Variants in SLC35F4 observed in about 807,000 individuals in gnomAD.
The protein encoded by SLC35F4 is chromosome 14 open reading frame 36.
SLC35F4 carries 24 observed loss-of-function variants against 44.2 expected under a neutral mutation model. That is an observed-to-expected ratio of 0.54 (90% CI 0.39 to 0.76). The LOEUF is 0.76. Ranked by LOEUF, SLC35F4 falls within the 30% of genes least tolerant of loss-of-function variation. The probability of loss-of-function intolerance (pLI) is 0.00; values close to 1 mark genes in which losing one functional copy is unlikely to be tolerated. For synonymous variants in SLC35F4, 238 were observed against 223.6 expected, an observed-to-expected ratio of 1.06 and a Z score of -0.57; for missense variants, 562 against 586.1, an observed-to-expected ratio of 0.96 and a Z score of 0.42.
chr14:57,925,191 C>CA (rs1485405615), intron 1 of SLC35F4, among the ~76,000 whole-genome samples: 3 of 152,128 alleles, frequency 2.0e-5, no homozygotes, highest in South Asian at 4.1e-4. Context: ...CATTAGGCCC[C>CA]ACCTCCTACA....
In SLC35F4 at chr14:57,937,655, A is replaced by G. The variant is rs192857406; in HGVS notation, n.282+44258T>C. ...GAAAAGAAAAGAAAAGAAAAGAAAA[A>G]AGAAAAGAAAAAGATATCACAAAGG... On this transcript the variant is annotated intron_variant and non_coding_transcript_variant, in intron 1 of 1. Transcript: ENST00000556568. Among the ~76,000 whole-genome samples, 238 of 135,978 alleles carry G rather than the reference A, an allele frequency of 1.8e-3. 2 individuals carry two copies. Among genetic ancestry groups the G allele is most frequent in the African/African-American group, 5.9e-3 (183 of 30,996 alleles). 89.2% of individuals were successfully genotyped at this position (135,978 alleles called of 152,430 possible). A position where few individuals can be genotyped will look rare whatever the true frequency, so the allele number is the denominator to read the frequency against.
intron 1 of SLC35F4, among the ~76,000 whole-genome samples, chr14:57,675,301 A>T (rs761255750): frequency 1.8e-4 from 28 of 152,106 alleles, no homozygotes; most frequent in Non-Finnish European, 3.4e-4. Flanking sequence ...GGGAAATGAT[A>T]TGCATGCTGA....
chr14:57,705,020 A>G (rs781297458), intron 1 of SLC35F4, among the ~76,000 whole-genome samples: 15 of 152,208 alleles, frequency 9.9e-5, no homozygotes, highest in Non-Finnish European at 1.6e-4. Context: ...GTGCACAAAA[A>G]GAATTAGGAT....
At chr14:57,662,261 G>T (rs2074162168) in intron 1 of SLC35F4, among the ~76,000 whole-genome samples, 1 of 152,082 alleles carries the variant, frequency 6.6e-6, no homozygotes, top group Admixed American at 6.6e-5. Context: ...GTGCCCATTG[G>T]AAACAAGCTG....
At chr14:57,679,399 C>G (rs564668975) in intron 1 of SLC35F4, among the ~76,000 whole-genome samples, 4 of 152,188 alleles carry the variant, frequency 2.6e-5, no homozygotes, top group African/African-American at 9.6e-5. Flanking sequence ...ATGTACAGCA[C>G]TAAATGCCCA....
intron 1 of SLC35F4, among the ~76,000 whole-genome samples, chr14:57,700,519 G>A (rs192180359): frequency 5.1e-4 from 78 of 152,178 alleles, no homozygotes; most frequent in African/African-American, 1.8e-3. Flanking sequence ...ACTTTAGTTT[G>A]TAACATTTTT....
At chr14:57,860,439 G>A (rs1278954261) in intron 1 of SLC35F4, among the ~76,000 whole-genome samples, 2 of 152,134 alleles carry the variant, frequency 1.3e-5, no homozygotes, top group African/African-American at 4.8e-5. Flanking sequence ...TTGGAAAGCT[G>A]TCAAAGCTGA....
intron 1 of SLC35F4, among the ~76,000 whole-genome samples, chr14:57,760,927 A>G (rs1956683): frequency 0.45 from 69,087 of 151,842 alleles, 15,889 homozygotes; most frequent in East Asian, 0.57. Flanking sequence ...AGATCTCTCC[A>G]TTTCTCTCTC....
intron 1 of SLC35F4, among the ~76,000 whole-genome samples, chr14:57,674,585 G>T (rs758390644): frequency 8.5e-5 from 13 of 152,054 alleles, no homozygotes; most frequent in Non-Finnish European, 1.5e-4. Context: ...GAAACATGCT[G>T]CAAGAAAGCA....
At chr14:57,757,407 T>G (rs2077018641) in intron 1 of SLC35F4, among the ~76,000 whole-genome samples, 1 of 152,228 alleles carries the variant, frequency 6.6e-6, no homozygotes, top group African/African-American at 2.4e-5. Flanking sequence ...TGATATTTGT[T>G]TTTATTAGCG....
At chr14:57,923,036 G>A (rs1186680433) in intron 1 of SLC35F4, among the ~76,000 whole-genome samples, 2 of 152,212 alleles carry the variant, frequency 1.3e-5, no homozygotes, top group Non-Finnish European at 2.9e-5. Flanking sequence ...ATGAGCTATG[G>A]TAGGTGCCGT....
At chr14:57,735,140 T>C (rs77345675) in intron 1 of SLC35F4, among the ~76,000 whole-genome samples, 3,877 of 152,346 alleles carry the variant, frequency 0.025, 83 homozygotes, top group South Asian at 0.086. Context: ...TTCCCACTTA[T>C]GATACTTAGG....
At chr14:57,765,002 C>T (rs1051418411) in intron 1 of SLC35F4, among the ~76,000 whole-genome samples, 2 of 152,126 alleles carry the variant, frequency 1.3e-5, no homozygotes, top group African/African-American at 2.4e-5. Flanking sequence ...CATGTATAGA[C>T]ACAAAAGAAA....
Position 57,895,312 on chromosome 14 carries a change from G to C in SLC35F4, n.282+86601C>G, listed in dbSNP as rs564601484. Among the ~76,000 whole-genome samples the C allele has an allele frequency of 3.9e-4, 60 of 152,194 alleles. 1 individual carries two copies. In the South Asian group the frequency reaches 8.3e-3, roughly 21 times the overall value. ...TATTTTAGTAATGATATTCTTGACTGACCTGCTTCTGCCTCCTGTTTAGGA... is the reference window on the plus strand; with the variant it reads ...TATTTTAGTAATGATATTCTTGACTCACCTGCTTCTGCCTCCTGTTTAGGA... On this transcript the variant is annotated intron_variant and non_coding_transcript_variant, in intron 1 of 1. Coordinates refer to the SLC35F4 transcript ENST00000556568.
chr14:57,713,069 A>T (rs1238950349), intron 1 of SLC35F4, among the ~76,000 whole-genome samples: 1 of 152,206 alleles, frequency 6.6e-6, no homozygotes, highest in Admixed American at 6.5e-5. Flanking sequence ...CTCTTTCCAG[A>T]TTAAATCAAG....
chr14:57,636,264 T>A (rs767426845), intron 1 of SLC35F4, among the ~76,000 whole-genome samples: 2 of 152,116 alleles, frequency 1.3e-5, no homozygotes, highest in Non-Finnish European at 2.9e-5. Flanking sequence ...TTTCAGTACG[T>A]TGGATTTGAT....
intron 1 of SLC35F4, among the ~76,000 whole-genome samples, chr14:57,886,929 C>A (rs929422908): frequency 1.3e-5 from 2 of 152,188 alleles, no homozygotes; most frequent in Admixed American, 6.5e-5. Context: ...TGAAAAACAT[C>A]CCATGTGTTT....
At chr14:57,601,665 C>A (rs2139984931) in intron 1 of SLC35F4, among the ~76,000 whole-genome samples, 1 of 152,242 alleles carries the variant, frequency 6.6e-6, no homozygotes, top group East Asian at 1.9e-4. Context: ...AACATCTTAT[C>A]CCTAAAATAG....
intron 1 of SLC35F4, among the ~76,000 whole-genome samples, chr14:57,753,828 G>A (rs1013994270): frequency 6.6e-6 from 1 of 152,060 alleles, no homozygotes; most frequent in Non-Finnish European, 1.5e-5. Flanking sequence ...TCCACCCAGG[G>A]TAGCTTCCTC....
Sources: gnomAD v4.1 joint callset for allele counts (sites outside exome capture counted in the v4.1 genomes callset) on GRCh38, gnomAD v4.1.1 for gene constraint, MANE v1.5 for transcripts, NCBI Gene and HGNC (gene_info 2026-07-23, HGNC 2026-07-21) for gene names.